Variants in TTC1 observed in about 807,000 individuals in gnomAD.
TTC1 encodes tetratricopeptide repeat domain 1.
A neutral mutation model predicts 37.6 loss-of-function variants in TTC1; 31 were observed. The ratio of observed to expected loss-of-function variants is 0.82; its 90% CI spans 0.62 to 1.11. The LOEUF is 1.11. Ranked by LOEUF, TTC1 falls within the 50% of genes most tolerant of loss-of-function variation. The pLI is 0.00. For missense variants in TTC1, 351 were observed against 339.0 expected, an observed-to-expected ratio of 1.04 and a Z score of -0.28; for synonymous variants, 127 against 122.4, an observed-to-expected ratio of 1.04 and a Z score of -0.25.
intron 2 of TTC1, among the ~76,000 whole-genome samples, chr5:160,029,410 G>A (rs1756866049): frequency 6.6e-6 from 1 of 151,480 alleles, no homozygotes; most frequent in Admixed American, 6.6e-5. Context: ...GGGAGGCTCT[G>A]GTGGGAGGAT....
chr5:160,056,081 C>G (rs1036423755), intron 7 of TTC1, among the ~76,000 whole-genome samples: 2 of 152,200 alleles, frequency 1.3e-5, no homozygotes, highest in African/African-American at 4.8e-5. Context: ...CCATGCTCTT[C>G]CTAACTTAAC....
At chr5:160,014,079 G>A (rs563126697) in intron 2 of TTC1, among the ~76,000 whole-genome samples, 22 of 152,024 alleles carry the variant, frequency 1.4e-4, no homozygotes, top group African/African-American at 9.7e-5. Flanking sequence ...ATAGTCATAC[G>A]GGATGGCTCA....
At chr5:160,059,193 GT>G (rs34949136) in intron 7 of TTC1, among the ~76,000 whole-genome samples, 97,930 of 152,080 alleles carry the variant, frequency 0.64, 31,501 homozygotes, top group East Asian at 0.72. Context: ...ATATAGTGCT[GT>G]TTTCATCTAC....
intron 4 of TTC1, among the ~76,000 whole-genome samples, chr5:160,041,311 TTC>T (rs1455094958): frequency 8.3e-5 from 12 of 143,850 alleles, no homozygotes; most frequent in African/African-American, 3.0e-4. Flanking sequence ...TATGCTTTCT[TTC>T]TTTTTTTTTT....
chr5:160,018,288 A>G (rs1005108184), intron 2 of TTC1, among the ~76,000 whole-genome samples: 1 of 152,142 alleles, frequency 6.6e-6, no homozygotes, highest in African/African-American at 2.4e-5. Context: ...ATAAATTTCT[A>G]TTATTTATAA....
intron 2 of TTC1, among the ~76,000 whole-genome samples, chr5:160,032,119 C>T (rs554571755): frequency 1.3e-5 from 2 of 152,266 alleles, no homozygotes; most frequent in Admixed American, 1.3e-4. Context: ...TATAAATTTC[C>T]CAAAGAATGA....
chr5:160,063,851 G>A (rs1753509437), intron 7 of TTC1, among the ~76,000 whole-genome samples: 1 of 151,080 alleles, frequency 6.6e-6, no homozygotes. Flanking sequence ...TGCGTTGCTC[G>A]GGCTGGTCTT....
Position 160,057,832 on chromosome 5 carries a change from A to G in TTC1, c.745+6649A>G, listed in dbSNP as rs1268642982. On this transcript the variant is annotated intron_variant, in intron 7 of 7. Transcript: ENST00000231238. This position sits in a 1 kb window ranked among gnomAD's most constrained non-coding sequence, Gnocchi z 4.4. ...TCGCCAGGCTGGAGTGCAGTGGCAC[A>G]ATCTTGGCTCACTGCAACCCCGCCT... is the stretch of plus-strand genomic sequence containing the variant. Among the ~76,000 whole-genome samples the G allele has an allele frequency of 6.6e-6, 1 of 152,090 alleles. No homozygotes were observed. The highest frequency in any genetic ancestry group is 1.5e-5 in the Non-Finnish European group (1 of 68,016).
intron 2 of TTC1, among the ~76,000 whole-genome samples, chr5:160,022,208 T>C (rs1041395842): frequency 6.6e-6 from 1 of 152,192 alleles, no homozygotes; most frequent in Non-Finnish European, 1.5e-5. Flanking sequence ...GGTATACACT[T>C]ATAAGCTCAA....
chr5:160,021,970 TAA>T (rs1280440532), intron 2 of TTC1, among the ~76,000 whole-genome samples: 1 of 152,134 alleles, frequency 6.6e-6, no homozygotes, highest in African/African-American at 2.4e-5. Context: ...GTGCTTGGCA[TAA>T]AGTGTATGCC....
At chr5:160,051,252 T>C in intron 7 of TTC1, 69 bp downstream of exon 7, 1 of 1,284,596 alleles carries the variant, frequency 7.8e-7, no homozygotes, top group Non-Finnish European at 1.1e-6. Context: ...TAGCGAATAC[T>C]AGAGGAGAAC....
At chr5:160,052,893 C>T (rs559702362) in intron 7 of TTC1, among the ~76,000 whole-genome samples, 1 of 152,300 alleles carries the variant, frequency 6.6e-6, no homozygotes, top group Admixed American at 6.5e-5. Context: ...ATTCACCTGC[C>T]ATTAGACTTA....
intron 7 of TTC1, among the ~76,000 whole-genome samples, chr5:160,058,930 C>T: frequency 6.6e-6 from 1 of 152,128 alleles, no homozygotes; most frequent in East Asian, 1.9e-4. Flanking sequence ...GCTTAAAATG[C>T]TCAGTAAATT....
At position 160,014,548 on chromosome 5, in the gene TTC1, A is replaced by C. The variant is rs1019596965; in HGVS notation, c.330+3690A>C. 6.6e-5 allele frequency among the ~76,000 whole-genome samples: 10 copies of C among 151,980 alleles called. No individual in the cohort carries two copies. The South Asian group carries it at 1.7e-3, about 25-fold the overall frequency. On this transcript the variant is annotated intron_variant, in intron 2 of 7. Coordinates refer to ENST00000231238, the MANE Select transcript of TTC1 (RefSeq NM_003314.3). The stretch of plus-strand genomic sequence containing the variant: ...AATTAAAATTTTTTAAAAAGCCTTT[A>C]AAAATAAAAATAATCACGTGTGGCA...
intron 2 of TTC1, among the ~76,000 whole-genome samples, chr5:160,020,616 C>G (rs534576206): frequency 6.6e-6 from 1 of 152,198 alleles, no homozygotes; most frequent in African/African-American, 2.4e-5. Context: ...TGAGCTCCAC[C>G]TCATGTCATA....
chr5:160,064,392 C>T (rs1489855825), intron 7 of TTC1, among the ~76,000 whole-genome samples: 1 of 152,176 alleles, frequency 6.6e-6, no homozygotes. Context: ...AATGGCTAGT[C>T]TGGTATAGAA....
At chr5:160,009,520 G>A (rs1756454970) in intron 1 of TTC1, among the ~76,000 whole-genome samples, 1 of 152,070 alleles carries the variant, frequency 6.6e-6, no homozygotes, top group Non-Finnish European at 1.5e-5. Flanking sequence ...CAAATGTCTG[G>A]GCTGCTGATG....
chr5:160,050,724 C>G (rs1296039853), intron 6 of TTC1, among the ~76,000 whole-genome samples: 1 of 149,964 alleles, frequency 6.7e-6, no homozygotes, highest in East Asian at 2.0e-4. Context: ...CTCCCAGATT[C>G]AAGCAACCCT....
chr5:160,045,082 G>C (rs1757179933), intron 5 of TTC1, among the ~76,000 whole-genome samples: 1 of 152,170 alleles, frequency 6.6e-6, no homozygotes, highest in Non-Finnish European at 1.5e-5. Context: ...GTGAGGATGT[G>C]TGGGTTTGGG....
Sources: gnomAD v4.1 joint callset for allele counts (sites outside exome capture counted in the v4.1 genomes callset) on GRCh38, gnomAD v4.1.1 for gene constraint, Gnocchi (gnomAD v3.1) non-coding constraint, MANE v1.5 for transcripts, NCBI Gene and HGNC (gene_info 2026-07-23, HGNC 2026-07-21) for gene names.